The following SORBS2 variants were observed in gnomAD, a reference collection of about 807,000 sequenced individuals.
The protein encoded by SORBS2 is sorbin and SH3 domain containing 2, also known as sorbin and SH3 domain-containing protein 2.
SORBS2 carries 46 observed loss-of-function variants against 97.7 expected under a neutral mutation model. The ratio of observed to expected loss-of-function variants is 0.47; its 90% CI spans 0.37 to 0.60. The LOEUF is 0.60. Among genes scored for constraint, SORBS2 ranks in the 20% least tolerant of loss-of-function variants. SORBS2 has a pLI of 0.00. For missense variants in SORBS2, 1,316 were observed against 1,282.3 expected, an observed-to-expected ratio of 1.03 and a Z score of -0.40; for synonymous variants, 476 against 473.4, an observed-to-expected ratio of 1.01 and a Z score of -0.07.
At chr4:185,935,482 C>T (rs911316987) in intron 1 of SORBS2, among the ~76,000 whole-genome samples, 1 of 152,174 alleles carries the variant, frequency 6.6e-6, no homozygotes, top group African/African-American at 2.4e-5. Flanking sequence ...AAATGTCTCT[C>T]ACTATGTCCC....
chr4:185,726,155 G>A (rs1055741729), intron 2 of SORBS2, among the ~76,000 whole-genome samples: 1 of 152,146 alleles, frequency 6.6e-6, no homozygotes, highest in African/African-American at 2.4e-5. Context: ...CATCTTTTGT[G>A]AGATGTTTTA....
intron 11 of SORBS2, among the ~76,000 whole-genome samples, chr4:185,612,231 C>T (rs191503584): frequency 1.6e-4 from 24 of 152,186 alleles, no homozygotes; most frequent in Admixed American, 4.6e-4. Context: ...TTAATGTGAA[C>T]GGGTTTATAC....
chr4:185,626,511 C>T (rs888616182), intron 6 of SORBS2, among the ~76,000 whole-genome samples: 1 of 152,132 alleles, frequency 6.6e-6, no homozygotes, highest in Non-Finnish European at 1.5e-5. Flanking sequence ...AAAATTTTGA[C>T]TATATGTCAA....
exon 5 of SORBS2, chr4:185,662,194 T>G: frequency 6.2e-7 from 1 of 1,613,856 alleles, no homozygotes; most frequent in East Asian, 2.2e-5. Context: ...TGATAGTAAC[T>G]CATGGGACTC....
chr4:185,716,841 G>A (rs1273468125), intron 2 of SORBS2, among the ~76,000 whole-genome samples: 2 of 152,224 alleles, frequency 1.3e-5, no homozygotes, highest in Non-Finnish European at 2.9e-5. Flanking sequence ...AACATCAGTG[G>A]AGGGAGGATG....
At chr4:185,781,831 C>T (rs2099032589) in intron 1 of SORBS2, among the ~76,000 whole-genome samples, 2 of 152,292 alleles carry the variant, frequency 1.3e-5, no homozygotes, top group Admixed American at 1.3e-4. Context: ...TTTCACGTGT[C>T]TCTTCCTCAG....
rs2099265984 is a variant in SORBS2 at position 185,930,651 on chromosome 4, TGATAA to T, written c.-338+25540_-338+25544del. On this transcript the variant is annotated intron_variant, in intron 1 of 20. Transcript: ENST00000284776. Reference sequence around the variant, plus strand: ...TGAATCCTTTCAGCTCTCTCTGTTTTGATAAGATATTTCTCCTTATCACTATCTTA... The same window carrying T: ...TGAATCCTTTCAGCTCTCTCTGTTTTGATATTTCTCCTTATCACTATCTTA... 1.4e-4 allele frequency among the ~76,000 whole-genome samples: 22 copies of T among 152,306 alleles called. No individual in the cohort carries two copies. The South Asian group carries it at 4.6e-3, about 32-fold the overall frequency.
At chr4:185,614,689 A>T in intron 11 of SORBS2, 142 bp downstream of exon 23, 1 of 1,040,052 alleles carries the variant, frequency 9.6e-7, no homozygotes, top group Non-Finnish European at 1.4e-6. Context: ...TGCCTTAAAG[A>T]GTCCTTTGTA....
At chr4:185,807,332 T>A (rs944372242) in intron 1 of SORBS2, among the ~76,000 whole-genome samples, 2 of 152,186 alleles carry the variant, frequency 1.3e-5, no homozygotes, top group Non-Finnish European at 2.9e-5. Flanking sequence ...CTTGATTGGA[T>A]TCAGGAAAGT....
chr4:185,642,883 C>A (rs1317086807), intron 4 of SORBS2, among the ~76,000 whole-genome samples: 1 of 152,158 alleles, frequency 6.6e-6, no homozygotes, highest in Non-Finnish European at 1.5e-5. Context: ...ACCCACTGGG[C>A]CTTTTGCACT....
exon 15 of SORBS2, chr4:185,587,304 CT>C (rs33934418): frequency 0.17 from 27,178 of 157,604 alleles, 1,801 homozygotes; most frequent in African/African-American, 0.23. Flanking sequence ...CCTGGAGACA[CT>C]TTTTTTTTTT....
intron 12 of SORBS2, among the ~76,000 whole-genome samples, chr4:185,596,897 G>T (rs2096114371): frequency 1.3e-5 from 2 of 151,890 alleles, no homozygotes; most frequent in African/African-American, 4.8e-5. Flanking sequence ...TTCAAACCCT[G>T]CCCCTCTTTT....
At chr4:185,801,899 C>T (rs533529860) in intron 1 of SORBS2, among the ~76,000 whole-genome samples, 1 of 152,266 alleles carries the variant, frequency 6.6e-6, no homozygotes, top group South Asian at 2.1e-4. Context: ...ATAGTGCATA[C>T]CTCCCAGGGC....
At chr4:185,690,962 C>T (rs553726404) in intron 2 of SORBS2, among the ~76,000 whole-genome samples, 22 of 151,484 alleles carry the variant, frequency 1.5e-4, no homozygotes, top group Non-Finnish European at 2.8e-4. Flanking sequence ...TGTAGTGGTG[C>T]GATCTTGGCT....
chr4:185,829,488 A>G (rs1314404332), intron 1 of SORBS2, among the ~76,000 whole-genome samples: 1 of 152,188 alleles, frequency 6.6e-6, no homozygotes, highest in Non-Finnish European at 1.5e-5. Flanking sequence ...ATTGGCCAGA[A>G]CAATAGAAAG....
intron 1 of SORBS2, among the ~76,000 whole-genome samples, chr4:185,822,315 C>T (rs1561205834): frequency 6.6e-6 from 1 of 152,216 alleles, no homozygotes. Flanking sequence ...GCCGTTCCAA[C>T]AGGCCTGGAG....
At chr4:185,925,918 G>A (rs2099263394) in intron 1 of SORBS2, among the ~76,000 whole-genome samples, 1 of 152,222 alleles carries the variant, frequency 6.6e-6, no homozygotes, top group South Asian at 2.1e-4. Flanking sequence ...TGGCAAGACA[G>A]GACTTAAGCT....
intron 12 of SORBS2, among the ~76,000 whole-genome samples, chr4:185,602,306 C>T (rs1212099500): frequency 6.6e-6 from 1 of 152,142 alleles, no homozygotes; most frequent in Non-Finnish European, 1.5e-5. Flanking sequence ...CCGTGCCCAG[C>T]CAATTTATAC....
intron 1 of SORBS2, among the ~76,000 whole-genome samples, chr4:185,790,874 G>A (rs536091178): frequency 6.6e-6 from 1 of 152,258 alleles, no homozygotes; most frequent in East Asian, 1.9e-4. Flanking sequence ...CACAGAAATT[G>A]CATTCCTGTT....
Sources: allele counts gnomAD v4.1 joint callset (sites outside exome capture counted in the v4.1 genomes callset), GRCh38; gene constraint gnomAD v4.1.1; transcripts MANE v1.5; gene names NCBI Gene and HGNC (gene_info 2026-07-23, HGNC 2026-07-21).